CDH13: variants seen among roughly 807,000 people sequenced by gnomAD.
CDH13 encodes cadherin-13.
In CDH13, 24 loss-of-function variants were observed where a neutral mutation model predicts 63.8. The ratio of observed to expected loss-of-function variants is 0.38; its 90% CI spans 0.27 to 0.53. CDH13 has a LOEUF of 0.53. CDH13 is among the 20% of genes least tolerant of loss of function. The probability of loss-of-function intolerance (pLI) is 0.85; values close to 1 mark genes in which losing one functional copy is unlikely to be tolerated. For synonymous variants in CDH13, 503 were observed against 355.3 expected (o/e 1.42, Z -4.67); for missense variants, 1,049 against 903.1 (o/e 1.16, Z -2.07).
intron 5 of CDH13, among the ~76,000 whole-genome samples, chr16:83,305,357 T>C (rs1005406474): frequency 6.6e-6 from 1 of 152,254 alleles, no homozygotes; most frequent in African/African-American, 2.4e-5. Context: ...GAAGGAACTG[T>C]TGACCACAGA....
At position 83,199,994 on chromosome 16, in the gene CDH13, C is replaced by G. The variant is rs77622502; in HGVS notation, c.484-17351C>G. 5.3e-5 allele frequency among the ~76,000 whole-genome samples: 8 copies of G among 152,234 alleles called. 1 individual carries two copies. Among genetic ancestry groups the G allele is most frequent in the African/African-American group, 1.9e-4 (8 of 41,560 alleles). Reference sequence around the variant, plus strand: ...GAAATGAAGGCACAGGGAATGAAGACGAATCCTTGCTCCACCCATGGGGAG... The same window carrying G: ...GAAATGAAGGCACAGGGAATGAAGAGGAATCCTTGCTCCACCCATGGGGAG... On this transcript the variant is annotated intron_variant, in intron 4 of 13. Coordinates refer to ENST00000567109, the MANE Select transcript of CDH13 (RefSeq NM_001257.5).
intron 6 of CDH13, among the ~76,000 whole-genome samples, chr16:83,474,397 C>T (rs528057173): frequency 5.1e-4 from 77 of 152,264 alleles, no homozygotes; most frequent in African/African-American, 1.7e-3. Flanking sequence ...TTCTATCATT[C>T]CAAGGATTCC....
intron 6 of CDH13, among the ~76,000 whole-genome samples, chr16:83,398,699 T>C (rs1273184179): frequency 2.6e-5 from 4 of 152,180 alleles, no homozygotes; most frequent in Non-Finnish European, 5.9e-5. Context: ...ATGCTAAAAG[T>C]TGCTCAGAGG....
At chr16:82,700,657 T>C (rs934209418) in intron 1 of CDH13, among the ~76,000 whole-genome samples, 1 of 152,078 alleles carries the variant, frequency 6.6e-6, no homozygotes, top group Non-Finnish European at 1.5e-5. Context: ...GTCCTAGAAT[T>C]TCAAAAACAG....
At chr16:83,216,404 A>G (rs1220637030) in intron 4 of CDH13, among the ~76,000 whole-genome samples, 1 of 56,534 alleles carries the variant, frequency 1.8e-5, no homozygotes, top group Non-Finnish European at 3.2e-5. Context: ...TGAAATATAT[A>G]TATATATATA....
intron 8 of CDH13, among the ~76,000 whole-genome samples, chr16:83,644,299 C>A (rs1911586319): frequency 6.6e-6 from 1 of 152,198 alleles, no homozygotes; most frequent in African/African-American, 2.4e-5. Flanking sequence ...TATGCTACTT[C>A]ATTCCCTTTA....
rs577264388 is a variant in CDH13 at position 82,647,889 on chromosome 16, C to T, written c.45+20752C>T. ...ATCTTGAATTATAGCTCCCATAGTC[C>T]CCATGTGTCATGGGAGGGACCCTGT... is the stretch of plus-strand genomic sequence containing the variant. On this transcript the variant is annotated intron_variant, in intron 1 of 13. Transcript: ENST00000567109. Among the ~76,000 whole-genome samples the T allele has an allele frequency of 3.3e-5, 5 of 152,220 alleles. No individual in the cohort carries two copies. In the South Asian group the frequency reaches 8.3e-4, roughly 25 times the overall value.
chr16:83,074,153 C>A (rs891444747), intron 3 of CDH13, among the ~76,000 whole-genome samples: 1 of 152,190 alleles, frequency 6.6e-6, no homozygotes, highest in Admixed American at 6.5e-5. Flanking sequence ...GACCGACAAA[C>A]ATCTGCATCC....
At chr16:83,662,116 A>G (rs188464953) in intron 8 of CDH13, among the ~76,000 whole-genome samples, 6 of 152,296 alleles carry the variant, frequency 3.9e-5, no homozygotes, top group Non-Finnish European at 7.4e-5. Flanking sequence ...TGGGATGCCA[A>G]TGGGTTTTGG....
At chr16:83,184,354 C>G (rs972470441) in intron 4 of CDH13, among the ~76,000 whole-genome samples, 2 of 152,064 alleles carry the variant, frequency 1.3e-5, no homozygotes, top group African/African-American at 4.8e-5. Context: ...ATGGGATTGT[C>G]CTCCCCGTAT....
At chr16:83,070,123 G>A (rs541405018) in intron 3 of CDH13, among the ~76,000 whole-genome samples, 1 of 151,990 alleles carries the variant, frequency 6.6e-6, no homozygotes. Flanking sequence ...TTGCTTCTTG[G>A]CATGCTTATT....
intron 4 of CDH13, among the ~76,000 whole-genome samples, chr16:83,177,867 T>C (rs144572481): frequency 2.1e-3 from 313 of 152,290 alleles, no homozygotes; most frequent in African/African-American, 6.8e-3. Context: ...TAATACCTGC[T>C]TTTCCCACCA....
intron 1 of CDH13, among the ~76,000 whole-genome samples, chr16:82,764,815 CTTT>C (rs567333858): frequency 2.2e-5 from 3 of 135,260 alleles, no homozygotes; most frequent in Non-Finnish European, 3.2e-5. Context: ...TTCATTCATT[CTTT>C]TTTTTTTTTT....
intron 4 of CDH13, among the ~76,000 whole-genome samples, chr16:83,208,541 A>G (rs2039246530): frequency 6.6e-6 from 1 of 152,148 alleles, no homozygotes; most frequent in African/African-American, 2.4e-5. Context: ...AACTCCAATA[A>G]TTCCTCTTAC....
intron 7 of CDH13, among the ~76,000 whole-genome samples, chr16:83,540,626 C>G (rs909138022): frequency 6.6e-6 from 1 of 152,192 alleles, no homozygotes; most frequent in Non-Finnish European, 1.5e-5. Flanking sequence ...CGTAATGACA[C>G]TCTCAAGTAG....
chr16:83,159,683 G>A (rs1034902038), intron 4 of CDH13, among the ~76,000 whole-genome samples: 1 of 152,170 alleles, frequency 6.6e-6, no homozygotes, highest in African/African-American at 2.4e-5. Flanking sequence ...TTTCTCATTT[G>A]AACGTACATG....
chr16:83,445,313 C>CTTGT (rs1474019473), intron 6 of CDH13, among the ~76,000 whole-genome samples: 1 of 98,090 alleles, frequency 1.0e-5, no homozygotes, highest in Non-Finnish European at 2.8e-5. Flanking sequence ...AAAAGGTTTG[C>CTTGT]ATCATTTTCA....
intron 10 of CDH13, chr16:83,725,835 G>A (rs1910320592): frequency 6.6e-6 from 1 of 152,222 alleles, no homozygotes; most frequent in South Asian, 2.1e-4. Context: ...GAGCTGGACA[G>A]AATACAAACT....
intron 4 of CDH13, among the ~76,000 whole-genome samples, chr16:83,154,351 T>A (rs1227635197): frequency 2.0e-5 from 3 of 151,888 alleles, no homozygotes; most frequent in Non-Finnish European, 4.4e-5. Flanking sequence ...GGTCAGGAGA[T>A]CCAGACCATC....
Sources: gnomAD v4.1 joint callset for allele counts (sites outside exome capture counted in the v4.1 genomes callset) on GRCh38, gnomAD v4.1.1 for gene constraint, MANE v1.5 for transcripts, NCBI Gene and HGNC (gene_info 2026-07-23, HGNC 2026-07-21) for gene names.